COBLL1: variants seen among roughly 807,000 people sequenced by gnomAD.
COBLL1 encodes cordon-bleu WH2 repeat protein like 1, also known as cordon-bleu protein-like 1.
Under a neutral mutation model 94.8 loss-of-function variants are expected in COBLL1, and 50 were observed. That is an observed-to-expected ratio of 0.53 (90% CI 0.42 to 0.67). COBLL1 has a LOEUF of 0.67. COBLL1 is among the 30% of genes least tolerant of loss of function. The pLI is 0.00. For synonymous variants in COBLL1, 448 were observed against 473.8 expected, an observed-to-expected ratio of 0.95 and a Z score of 0.71; for missense variants, 1,362 against 1,348.7, an observed-to-expected ratio of 1.01 and a Z score of -0.15.
intron 10 of COBLL1, 53 bp from the exon 11 acceptor site, chr2:164,699,552 T>A: frequency 1.0e-6 from 1 of 966,020 alleles, no homozygotes; most frequent in Non-Finnish European, 1.7e-6. Flanking sequence ...AACACACACA[T>A]ACACACACAC....
rs548981667 is a variant in COBLL1, at chr2:164,695,676, A to G, written c.1716T>C (p.Thr572=). Residue 572 remains threonine (T), a synonymous_variant, in exon 12 of 14, where the codon ACT becomes ACC. Coordinates refer to ENST00000652658, the MANE Select transcript of COBLL1 (RefSeq NM_001365672.2). Reference sequence around the variant, plus strand: ...GATGGTTTTCCTTGTAACTTATAGCAGTATCAGTTTCATGTGCCTCAGAGT... The same window carrying G: ...GATGGTTTTCCTTGTAACTTATAGCGGTATCAGTTTCATGTGCCTCAGAGT... ...PSNSEAHETD[T]AISYKENHLA... The G allele has an allele frequency of 5.0e-5, 80 of 1,613,872 alleles. 2 individuals are homozygous for G. In the South Asian group the frequency reaches 8.7e-4, roughly 18 times the overall value.
intron 2 of COBLL1, among the ~76,000 whole-genome samples, chr2:164,658,247 G>T (rs532668739): frequency 6.6e-5 from 10 of 152,240 alleles, no homozygotes; most frequent in African/African-American, 1.9e-4. Flanking sequence ...CTGTCTCTCA[G>T]TCCCCCCTCT....
intron 3 of COBLL1, chr2:164,743,075 C>T (rs1574504614): frequency 6.6e-6 from 1 of 152,112 alleles, no homozygotes; most frequent in East Asian, 1.9e-4. Flanking sequence ...TCTTCTAAAT[C>T]ACATCTTTCC....
rs762638639 is a variant in COBLL1, at chr2:164,695,499, C to A, written c.1893G>T (p.Val631=). Residue 631 remains valine, a synonymous_variant, in exon 12 of 14, where the codon GTG becomes GTT. Transcript: ENST00000652658. The stretch of plus-strand genomic sequence containing the variant: ...TTGATATGTTGTTATTTGAAGTTTG[C>A]ACACATTCTTCAACTTTGGAGTCAG... ...NLSDSKVEEC[V]QTSNNNISTQ... 5 of 1,613,764 alleles carry A rather than the reference C, an allele frequency of 3.1e-6. No homozygotes were observed. The African/African-American group carries it at 6.7e-5, about 22-fold the overall frequency.
At chr2:164,842,054 G>C (rs926374926), upstream of COBLL1, 8 of 1,528,368 alleles carry the variant, frequency 5.2e-6, no homozygotes, top group African/African-American at 6.9e-5. Context: ...TTGGAGCGAG[G>C]GAAGCAGCGA....
At chr2:164,722,749 CCAGGCCAACACT>C in intron 5 of COBLL1, 1 of 257,770 alleles carries the variant, frequency 3.9e-6, no homozygotes, top group Non-Finnish European at 7.3e-6. Flanking sequence ...GATACATAAT[CCAGGCCAACACT>C]CAGGAAATGA....
intron 2 of COBLL1, among the ~76,000 whole-genome samples, chr2:164,762,467 C>G (rs1245418896): frequency 6.6e-6 from 1 of 152,196 alleles, no homozygotes; most frequent in Non-Finnish European, 1.5e-5. Context: ...GAAAAGAGTG[C>G]TGGATTACAA....
chr2:164,787,339 A>C (rs2105288824), intron 2 of COBLL1, among the ~76,000 whole-genome samples: 1 of 152,354 alleles, frequency 6.6e-6, no homozygotes, highest in South Asian at 2.1e-4. Flanking sequence ...ATCAAATACA[A>C]GTTATGCAGA....
chr2:164,689,484 A>C (rs1012419352), intron 13 of COBLL1, among the ~76,000 whole-genome samples: 3 of 152,194 alleles, frequency 2.0e-5, no homozygotes, highest in Non-Finnish European at 2.9e-5. Flanking sequence ...GAACAGAAAC[A>C]TAAGACTTAA....
chr2:164,675,033 A>C (rs937726755), intron 1 of COBLL1, among the ~76,000 whole-genome samples: 2 of 152,226 alleles, frequency 1.3e-5, no homozygotes, highest in South Asian at 2.1e-4. Context: ...AGTTTCAAGA[A>C]AACAATCTTA....
In COBLL1 at chr2:164,695,141, C is replaced by G; in HGVS notation, c.2251G>C (p.Glu751Gln). ...SLEISKDWQS[E>Q]TIEYKDDQDM... is the part of the protein sequence containing the mutation. ...TGATCATCTTTATACTCTATGGTTT[C>G]TGATTGCCAGTCTTTCGATATTTCC... Residue 751 changes from glutamate to glutamine, a missense_variant, in exon 12 of 14, where the codon GAA becomes CAA. Transcript: ENST00000652658. 1 of 1,613,890 alleles carries G rather than the reference C, an allele frequency of 6.2e-7. No individual in the cohort carries two copies. Among genetic ancestry groups the G allele is most frequent in the Non-Finnish European group, 8.5e-7 (1 of 1,179,956 alleles).
intron 11 of COBLL1, chr2:164,697,323 A>G (rs1482235590): frequency 2.0e-5 from 3 of 152,102 alleles, no homozygotes; most frequent in Admixed American, 6.6e-5. Flanking sequence ...TCTTTTCTCA[A>G]TGACCAATTA....
intron 2 of COBLL1, among the ~76,000 whole-genome samples, chr2:164,803,693 A>G (rs904245540): frequency 1.3e-5 from 2 of 152,192 alleles, no homozygotes; most frequent in African/African-American, 4.8e-5. Flanking sequence ...GTCAACTAAC[A>G]TTGTACAAAA....
At chr2:164,780,133 C>T (rs1559008721) in intron 2 of COBLL1, among the ~76,000 whole-genome samples, 1 of 152,094 alleles carries the variant, frequency 6.6e-6, no homozygotes, top group Non-Finnish European at 1.5e-5. Context: ...CTGGTATTTC[C>T]GTAAGCTATC....
chr2:164,695,133 T>C lies in COBLL1; in HGVS notation c.2259A>G (p.Ile753Met). The C allele has an allele frequency of 6.2e-7, 1 of 1,613,968 alleles. No individual in the cohort carries two copies. The highest frequency in any genetic ancestry group is 1.1e-5 in the South Asian group (1 of 91,076). ...GCATGTCCTGATCATCTTTATACTCTATGGTTTCTGATTGCCAGTCTTTCG... is the reference window on the plus strand; with the variant it reads ...GCATGTCCTGATCATCTTTATACTCCATGGTTTCTGATTGCCAGTCTTTCG... ...EISKDWQSET[I>M]EYKDDQDMHA... The change falls in exon 12 of 14, where the codon ATA becomes ATG. Residue 753 changes from isoleucine to methionine, a missense_variant. By Grantham distance (10) the Ile-to-Met change is conservative. Coordinates refer to ENST00000652658, the MANE Select transcript of COBLL1 (RefSeq NM_001365672.2).
At chr2:164,686,454 T>C (rs1277346176) in intron 13 of COBLL1, among the ~76,000 whole-genome samples, 1 of 152,120 alleles carries the variant, frequency 6.6e-6, no homozygotes, top group Non-Finnish European at 1.5e-5. Flanking sequence ...ATGGTATAAA[T>C]TAACGTGAAA....
At chr2:164,725,991 T>C (rs893070467) in intron 5 of COBLL1, among the ~76,000 whole-genome samples, 5 of 152,208 alleles carry the variant, frequency 3.3e-5, no homozygotes, top group African/African-American at 7.2e-5. Flanking sequence ...TGACAGCATT[T>C]GGATTGACCT....
intron 7 of COBLL1, among the ~76,000 whole-genome samples, chr2:164,706,322 C>G (rs1381333991): frequency 6.6e-6 from 1 of 152,198 alleles, no homozygotes; most frequent in African/African-American, 2.4e-5. Context: ...TACTCTCTGG[C>G]TACTCAGTTT....
At chr2:164,803,428 A>G (rs1352408477) in intron 2 of COBLL1, among the ~76,000 whole-genome samples, 16 of 150,268 alleles carry the variant, frequency 1.1e-4, no homozygotes, top group Non-Finnish European at 1.6e-4. Context: ...AGCCGGGCGT[A>G]GTGGCGGGCG....
Sources: gnomAD v4.1 joint callset for allele counts (sites outside exome capture counted in the v4.1 genomes callset) on GRCh38, gnomAD v4.1.1 for gene constraint, MANE v1.5 for transcripts, NCBI Gene and HGNC (gene_info 2026-07-23, HGNC 2026-07-21) for gene names.